RGS5: variants seen among roughly 807,000 people sequenced by gnomAD.
The protein encoded by RGS5 is regulator of G protein signaling 5, also known as regulator of G-protein signalling 5.
Under a neutral mutation model 18.9 loss-of-function variants are expected in RGS5, and 20 were observed. That is an observed-to-expected ratio of 1.06 (90% CI 0.74 to 1.54). RGS5 has a LOEUF of 1.54. RGS5 is among the 40% of genes most tolerant of loss of function. RGS5 has a pLI of 0.00. For missense variants in RGS5, 201 were observed against 211.8 expected (o/e 0.95, Z 0.32); for synonymous variants, 57 against 76.2 (o/e 0.75, Z 1.31).
intron 2 of RGS5, among the ~76,000 whole-genome samples, chr1:163,287,401 A>G (rs1259262319): frequency 6.6e-6 from 1 of 152,110 alleles, no homozygotes; most frequent in African/African-American, 2.4e-5. Flanking sequence ...ATACACTCAC[A>G]TTCCTGGCTC....
intron 2 of RGS5, among the ~76,000 whole-genome samples, chr1:163,293,507 C>T (rs890492607): frequency 1.2e-4 from 18 of 152,178 alleles, no homozygotes; most frequent in Non-Finnish European, 2.6e-4. Context: ...CCTTCCTTGA[C>T]ACTTAGGGGT....
chr1:163,210,146 C>T (rs553758290), intron 1 of RGS5, among the ~76,000 whole-genome samples: 34 of 149,856 alleles, frequency 2.3e-4, no homozygotes, highest in Admixed American at 5.4e-4. Context: ...TGCACCACCA[C>T]GCCCAACTAA....
At chr1:163,180,222 C>T (rs149876999) in intron 1 of RGS5, among the ~76,000 whole-genome samples, 210 of 152,270 alleles carry the variant, frequency 1.4e-3, no homozygotes, top group African/African-American at 4.7e-3. Context: ...ATGATCCACC[C>T]GCCTCGGCCT....
intron 2 of RGS5, among the ~76,000 whole-genome samples, chr1:163,300,226 T>C (rs1649518460): frequency 6.6e-6 from 1 of 152,192 alleles, no homozygotes; most frequent in Admixed American, 6.5e-5. Context: ...TAGAGGGCAG[T>C]GGTCTTGTGA....
chr1:163,318,452 T>C (rs1049552536), intron 1 of RGS5, among the ~76,000 whole-genome samples: 2 of 151,826 alleles, frequency 1.3e-5, no homozygotes, highest in African/African-American at 4.8e-5. Flanking sequence ...TGAGATGAGA[T>C]AGAATTGGGA....
At chr1:163,247,285 A>G (rs1454356312) in intron 2 of RGS5, among the ~76,000 whole-genome samples, 1 of 152,216 alleles carries the variant, frequency 6.6e-6, no homozygotes, top group Non-Finnish European at 1.5e-5. Flanking sequence ...AAAATAACTG[A>G]TAAGAAAATG....
At chr1:163,232,734 T>C (rs1419927580) in intron 2 of RGS5, among the ~76,000 whole-genome samples, 1 of 152,196 alleles carries the variant, frequency 6.6e-6, no homozygotes, top group East Asian at 1.9e-4. Context: ...GACATGCCTG[T>C]GGGCTAGGGT....
At chr1:163,186,147 T>C (rs1557895826) in intron 1 of RGS5, among the ~76,000 whole-genome samples, 1 of 151,452 alleles carries the variant, frequency 6.6e-6, no homozygotes, top group East Asian at 2.0e-4. Flanking sequence ...TCTTGGCTCA[T>C]TGCAACCTCT....
At chr1:163,317,121 G>A (rs1236391550) in intron 1 of RGS5, among the ~76,000 whole-genome samples, 3 of 152,106 alleles carry the variant, frequency 2.0e-5, no homozygotes, top group East Asian at 3.9e-4. Flanking sequence ...ATTGTCATGT[G>A]TATGTTTCAC....
At chr1:163,275,378 T>A (rs1288240732) in intron 2 of RGS5, among the ~76,000 whole-genome samples, 1 of 152,194 alleles carries the variant, frequency 6.6e-6, no homozygotes, top group African/African-American at 2.4e-5. Flanking sequence ...GTCCATTGCA[T>A]GGTCCCCAAA....
intron 2 of RGS5, among the ~76,000 whole-genome samples, chr1:163,280,953 C>G (rs1325375582): frequency 6.6e-6 from 1 of 152,122 alleles, no homozygotes; most frequent in East Asian, 1.9e-4. Context: ...TGCATCCCCA[C>G]CCAAATCTAA....
At chr1:163,300,064 C>T (rs931991474) in intron 2 of RGS5, among the ~76,000 whole-genome samples, 1 of 152,200 alleles carries the variant, frequency 6.6e-6, no homozygotes, top group African/African-American at 2.4e-5. Flanking sequence ...CATTAACTTT[C>T]ATGTTTCCCG....
At chr1:163,211,738 A>G (rs1030565856) in intron 1 of RGS5, 1 of 152,148 alleles carries the variant, frequency 6.6e-6, no homozygotes, top group African/African-American at 2.4e-5. Flanking sequence ...CCTCTGGATA[A>G]TATTTATAAA....
chr1:163,304,055 T>C (rs980123468), intron 2 of RGS5, among the ~76,000 whole-genome samples: 3 of 152,144 alleles, frequency 2.0e-5, no homozygotes, highest in African/African-American at 7.2e-5. Context: ...TCTACATGTC[T>C]CTCTATACAT....
At chr1:163,264,404 G>A (rs944658605) in intron 2 of RGS5, among the ~76,000 whole-genome samples, 4 of 152,102 alleles carry the variant, frequency 2.6e-5, no homozygotes, top group African/African-American at 7.2e-5. Context: ...AAAATTAAGT[G>A]AAATCATATC....
rs375415428 is a variant in RGS5 at position 163,144,064 on chromosome 1, A to G, written c.*3278T>C. Reference sequence around the variant, plus strand: ...CTGAATTCTACTTAAAGCATAATTCATACAGTAGAGAATTTGAGTACACGG... The same window carrying G: ...CTGAATTCTACTTAAAGCATAATTCGTACAGTAGAGAATTTGAGTACACGG... On this transcript the variant is annotated 3_prime_UTR_variant, in exon 5 of 5. Coordinates refer to ENST00000313961, the MANE Select transcript of RGS5 (RefSeq NM_003617.4). 2.0e-5 allele frequency: 3 copies of G among 152,194 alleles called. No homozygotes were observed. The highest frequency in any genetic ancestry group is 4.4e-5 in the Non-Finnish European group (3 of 68,018). 9.4% of individuals were successfully genotyped at this position (152,194 alleles called of 1,614,324 possible).
intron 2 of RGS5, among the ~76,000 whole-genome samples, chr1:163,265,278 A>G (rs1437571081): frequency 6.6e-6 from 1 of 152,092 alleles, no homozygotes; most frequent in Non-Finnish European, 1.5e-5. Flanking sequence ...GAACTTCCTT[A>G]CCATCTTAAC....
intron 2 of RGS5, chr1:163,300,381 T>C (rs1055530444): frequency 3.9e-5 from 6 of 152,246 alleles, no homozygotes; most frequent in Non-Finnish European, 8.8e-5. Context: ...CTGAATACGA[T>C]TGATCGTATT....
chr1:163,156,768 C>A (rs1281672898), intron 3 of RGS5, among the ~76,000 whole-genome samples: 1 of 152,120 alleles, frequency 6.6e-6, no homozygotes, highest in African/African-American at 2.4e-5. Flanking sequence ...ATTTCATGGG[C>A]AAGTTACCTA....
Sources: allele counts gnomAD v4.1 joint callset (sites outside exome capture counted in the v4.1 genomes callset), GRCh38; gene constraint gnomAD v4.1.1; transcripts MANE v1.5; gene names NCBI Gene and HGNC (gene_info 2026-07-23, HGNC 2026-07-21).